The following PCDH11X variants were observed in gnomAD, a reference collection of about 807,000 sequenced individuals.
PCDH11X encodes the protein protocadherin-11 X-linked.
PCDH11X carries 18 observed loss-of-function variants against 53.3 expected under a neutral mutation model. The observed-to-expected ratio is 0.34, with a 90% confidence interval of 0.23 to 0.50. The LOEUF is 0.50. Among genes scored for constraint, PCDH11X ranks in the 20% least tolerant of loss-of-function variants. The pLI is 0.98. For synonymous variants in PCDH11X, 279 were observed against 393.3 expected (o/e 0.71, Z 3.44); for missense variants, 570 against 1,032.4 (o/e 0.55, Z 6.14).
At chrX:92,256,489 C>A (rs1157341797) in intron 7 of PCDH11X, among the ~76,000 whole-genome samples, 2 of 111,815 alleles carry the variant, frequency 1.8e-5, no homozygotes, top group African/African-American at 6.5e-5. Context: ...TACATTGAAC[C>A]ATCCTTGCAT....
chrX:92,319,712 G>T (rs1413174723), intron 8 of PCDH11X, among the ~76,000 whole-genome samples: 2 of 111,009 alleles, frequency 1.8e-5, no homozygotes, highest in East Asian at 5.7e-4. Context: ...ACTCAGATAG[G>T]ATTATCAGGA....
Position 92,298,209 on chromosome X carries a change from C to T in PCDH11X, c.3144+35066C>T, listed in dbSNP as rs148225237. 9.5e-3 allele frequency among the ~76,000 whole-genome samples: 1,060 copies of T among 111,271 alleles called. 19 individuals carry two copies. Among genetic ancestry groups the T allele is most frequent in the African/African-American group, 0.033 (1,005 of 30,562 alleles). On this transcript the variant is annotated intron_variant, in intron 8 of 10. Coordinates refer to ENST00000682573, the MANE Select transcript of PCDH11X (RefSeq NM_032968.5). Reference sequence around the variant, plus strand: ...TGAATAGCAGTGGTGAGAGAGAGAGCATTATTGTCTTGTTCCAATTTTCAA... The same window carrying T: ...TGAATAGCAGTGGTGAGAGAGAGAGTATTATTGTCTTGTTCCAATTTTCAA...
chrX:92,327,190 C>T (rs2148499922), intron 8 of PCDH11X, among the ~76,000 whole-genome samples: 1 of 109,399 alleles, frequency 9.1e-6, no homozygotes, highest in South Asian at 3.9e-4. Context: ...GTTTTAAAAA[C>T]AACTGTAATA....
chrX:91,812,219 C>T (rs995166220), intron 4 of PCDH11X, among the ~76,000 whole-genome samples: 6 of 110,351 alleles, frequency 5.4e-5, no homozygotes, highest in African/African-American at 1.3e-4. Flanking sequence ...GAAATATGTT[C>T]CCCTTGACAT....
At chrX:92,128,460 C>G (rs763630556) in intron 6 of PCDH11X, among the ~76,000 whole-genome samples, 2 of 107,175 alleles carry the variant, frequency 1.9e-5, no homozygotes, top group Admixed American at 2.0e-4. Flanking sequence ...TCCAATGACA[C>G]GATCTCGGCT....
intron 10 of PCDH11X, among the ~76,000 whole-genome samples, chrX:92,577,080 C>A (rs1191817732): frequency 9.3e-6 from 1 of 107,740 alleles, no homozygotes; most frequent in African/African-American, 3.4e-5. Flanking sequence ...GGGAGTTGTC[C>A]CTCCTTTTCC....
chrX:92,401,641 A>T (rs1279337639), intron 9 of PCDH11X, among the ~76,000 whole-genome samples: 1 of 112,024 alleles, frequency 8.9e-6, no homozygotes, highest in Non-Finnish European at 1.9e-5. Flanking sequence ...TAATCAATGC[A>T]ATTTGTTTTA....
At chrX:92,520,478 AT>A (rs35350018) in intron 10 of PCDH11X, among the ~76,000 whole-genome samples, 203 of 85,219 alleles carry the variant, frequency 2.4e-3, no homozygotes, top group African/African-American at 5.7e-3. Context: ...TGGCTGTGGC[AT>A]TTTTTTTTTT....
At chrX:92,470,558 C>T (rs1204529435) in intron 10 of PCDH11X, among the ~76,000 whole-genome samples, 1 of 110,288 alleles carries the variant, frequency 9.1e-6, no homozygotes, top group African/African-American at 3.3e-5. Context: ...CGTTTTTTCC[C>T]CATTCAGTAT....
intron 8 of PCDH11X, among the ~76,000 whole-genome samples, chrX:92,381,742 G>A (rs139133043): frequency 0.027 from 2,972 of 111,635 alleles, 110 homozygotes; most frequent in African/African-American, 0.092. Flanking sequence ...GACATGTTGT[G>A]TAACTATGGC....
At chrX:92,554,817 C>G (rs1443226356) in intron 10 of PCDH11X, among the ~76,000 whole-genome samples, 2 of 110,737 alleles carry the variant, frequency 1.8e-5, no homozygotes, top group Non-Finnish European at 3.8e-5. Context: ...TAAGAAGGGT[C>G]CTGCAAAGGA....
At chrX:92,039,665 G>C (rs151040545) in intron 6 of PCDH11X, among the ~76,000 whole-genome samples, 1 of 111,840 alleles carries the variant, frequency 8.9e-6, no homozygotes, top group Non-Finnish European at 1.9e-5. Flanking sequence ...AAGAGGCTAG[G>C]CCTGGACTTA....
chrX:92,189,618 T>C (rs2066158147), intron 6 of PCDH11X, among the ~76,000 whole-genome samples: 1 of 111,945 alleles, frequency 8.9e-6, no homozygotes. Context: ...TTTCTGGTTC[T>C]AAATTTTTGA....
chrX:91,935,843 T>C (rs1309725212), intron 6 of PCDH11X, among the ~76,000 whole-genome samples: 2 of 108,099 alleles, frequency 1.9e-5, no homozygotes, highest in Admixed American at 1.0e-4. Context: ...CATAGGTAGA[T>C]TCAAACATAT....
chrX:92,422,616 A>G (rs1418799004), intron 9 of PCDH11X, among the ~76,000 whole-genome samples: 1 of 111,351 alleles, frequency 9.0e-6, no homozygotes, highest in East Asian at 2.8e-4. Flanking sequence ...TGCTATGAAC[A>G]TGCGTGTGCA....
At chrX:92,459,375 T>TA (rs776329967) in intron 9 of PCDH11X, among the ~76,000 whole-genome samples, 848 of 48,997 alleles carry the variant, frequency 0.017, 25 homozygotes, top group East Asian at 0.069. Context: ...ATCTTATATT[T>TA]AAAAAAACCT....
rs774998355 is a variant in PCDH11X, at chrX:91,800,068, G to T, written c.-378-9398G>T. The stretch of plus-strand genomic sequence containing the variant: ...CGCGCCACTGCATTCCAGCCTGGGC[G>T]CCAGAGAGAGATTCTGTCTCAAAAA... On this transcript the variant is annotated intron_variant, in intron 1 of 10. Coordinates refer to ENST00000682573, the MANE Select transcript of PCDH11X (RefSeq NM_032968.5). Among the ~76,000 whole-genome samples, 9 of 112,316 alleles carry T rather than the reference G, an allele frequency of 8.0e-5. No individual in the cohort carries two copies. In the South Asian group the frequency reaches 3.3e-3, roughly 41 times the overall value.
rs780821272 is a variant in PCDH11X at position 92,534,560 on chromosome X, C to A, written c.3367+66238C>A. Among the ~76,000 whole-genome samples, 31 of 111,168 alleles carry A rather than the reference C, an allele frequency of 2.8e-4. 1 individual carries two copies. The South Asian group carries it at 0.012, about 42-fold the overall frequency. ...AATTCAGGAAATACAGAGAACACCACAAAGATACTCCTCGAGAAGAGCAAC... is the reference window on the plus strand; with the variant it reads ...AATTCAGGAAATACAGAGAACACCAAAAAGATACTCCTCGAGAAGAGCAAC... On this transcript the variant is annotated intron_variant, in intron 10 of 10. Transcript: ENST00000682573.
chrX:92,217,137 G>A (rs1466005850), intron 7 of PCDH11X, among the ~76,000 whole-genome samples: 6 of 110,746 alleles, frequency 5.4e-5, no homozygotes, highest in Admixed American at 9.7e-5. Context: ...GGAAGAAACT[G>A]CATCAACTAA....
Sources: gnomAD v4.1 joint callset for allele counts (sites outside exome capture counted in the v4.1 genomes callset) on GRCh38, gnomAD v4.1.1 for gene constraint, MANE v1.5 for transcripts, NCBI Gene and HGNC (gene_info 2026-07-23, HGNC 2026-07-21) for gene names.